The following KIAA1217 variants were observed in gnomAD, a reference collection of about 807,000 sequenced individuals.
KIAA1217 encodes the protein KIAA1217, also known as sickle tail protein homolog.
In KIAA1217, 88 loss-of-function variants were observed where a neutral mutation model predicts 163.9. The ratio of observed to expected loss-of-function variants is 0.54; its 90% CI spans 0.45 to 0.64. The LOEUF (loss-of-function observed/expected upper bound fraction) is 0.64, where lower values mean the gene tolerates loss of function less well. Ranked by LOEUF, KIAA1217 falls within the 30% of genes least tolerant of loss-of-function variation. The pLI is 0.00. For synonymous variants in KIAA1217, 903 were observed against 923.1 expected (o/e 0.98, Z 0.39); for missense variants, 2,372 against 2,475.0 (o/e 0.96, Z 0.88).
chr10:24,271,478 C>T (rs887659245), intron 2 of KIAA1217, among the ~76,000 whole-genome samples: 20 of 152,084 alleles, frequency 1.3e-4, no homozygotes, highest in Non-Finnish European at 2.4e-4. Flanking sequence ...TAGGATGGTG[C>T]GGTGGCTCAC....
chr10:23,802,202 C>G (rs1449047425), intron 1 of KIAA1217, among the ~76,000 whole-genome samples: 1 of 152,118 alleles, frequency 6.6e-6, no homozygotes, highest in Non-Finnish European at 1.5e-5. Flanking sequence ...GACTGGGGCC[C>G]TTTCATGAAA....
chr10:24,460,545 G>C (rs1199949943), intron 5 of KIAA1217, among the ~76,000 whole-genome samples: 1 of 152,054 alleles, frequency 6.6e-6, no homozygotes, highest in Non-Finnish European at 1.5e-5. Flanking sequence ...TACCCTCTGG[G>C]ACTATTCCCT....
chr10:24,543,391 C>A lies in KIAA1217; in HGVS notation c.4121C>A (p.Thr1374Asn). 6.2e-7 allele frequency: 1 copy of A among 1,614,176 alleles called. No individual in the cohort carries two copies. Among genetic ancestry groups the A allele is most frequent in the East Asian group, 2.2e-5 (1 of 44,880 alleles). ...EDGESSSSSP[T>N]EENAATDNIA... ...GGAGAATCAAGTTCAAGTTCTCCCACTGAAGAAAATGCAGCCACTGACAAT... is the reference window on the plus strand; with the variant it reads ...GGAGAATCAAGTTCAAGTTCTCCCAATGAAGAAAATGCAGCCACTGACAAT... Residue 1374 changes from threonine (T) to asparagine (N), a missense_variant, in exon 19 of 21, where the codon ACT becomes AAT. Thr to Asn is a moderately conservative substitution (Grantham distance 65). This residue lies in a region of KIAA1217 where 251 missense variants were observed against 327.3 expected (regional missense o/e 0.77). Transcript: ENST00000376454.
At chr10:24,046,901 C>T (rs181705989) in intron 2 of KIAA1217, among the ~76,000 whole-genome samples, 1 of 152,222 alleles carries the variant, frequency 6.6e-6, no homozygotes, top group African/African-American at 2.4e-5. Flanking sequence ...GCAATTCACT[C>T]ATCAGATAAG....
intron 2 of KIAA1217, among the ~76,000 whole-genome samples, chr10:24,183,863 T>C (rs764135159): frequency 6.6e-6 from 1 of 152,212 alleles, no homozygotes; most frequent in Non-Finnish European, 1.5e-5. Context: ...TTCAAATATA[T>C]TAAGACAACT....
chr10:24,313,382 G>A (rs976999982), intron 2 of KIAA1217, among the ~76,000 whole-genome samples: 1 of 152,136 alleles, frequency 6.6e-6, no homozygotes. Context: ...GTAGCCTGGC[G>A]ATTAAATGTT....
At chr10:24,166,844 G>A (rs559139346) in intron 2 of KIAA1217, among the ~76,000 whole-genome samples, 1 of 152,092 alleles carries the variant, frequency 6.6e-6, no homozygotes, top group East Asian at 1.9e-4. Context: ...TTGATTATAT[G>A]GATGTATCAG....
chr10:24,086,402 A>G (rs1313713923), intron 2 of KIAA1217, among the ~76,000 whole-genome samples: 3 of 152,204 alleles, frequency 2.0e-5, no homozygotes, highest in Non-Finnish European at 2.9e-5. Context: ...GTCAACAAAG[A>G]CATGTGAATG....
At chr10:23,920,451 G>T (rs1019894001) in intron 1 of KIAA1217, among the ~76,000 whole-genome samples, 2 of 152,168 alleles carry the variant, frequency 1.3e-5, no homozygotes, top group East Asian at 3.9e-4. Context: ...CTTTTTGGGT[G>T]GACATAGGAT....
At chr10:23,800,382 A>G (rs1011350263) in intron 1 of KIAA1217, among the ~76,000 whole-genome samples, 30 of 152,152 alleles carry the variant, frequency 2.0e-4, no homozygotes, top group Non-Finnish European at 1.3e-4. Context: ...GTTTAACACC[A>G]TGAAATGTAT....
chr10:24,543,332 G>A lies in KIAA1217; in HGVS notation c.4062G>A (p.Glu1354=). 1.2e-6 allele frequency: 2 copies of A among 1,614,130 alleles called. No homozygotes were observed. ...DFGQVVLRPK[E]ARHANVNPNE... ...GCCAAGTTGTTCTAAGACCCAAGGA[G>A]GCAAGGCATGCTAACGTGAACCCTA... The change falls in exon 19 of 21, where the codon GAG becomes GAA. Residue 1354 remains glutamate, a synonymous_variant. Transcript: ENST00000376454.
intron 1 of KIAA1217, among the ~76,000 whole-genome samples, chr10:23,985,646 AT>A (rs538288550): frequency 2.0e-5 from 3 of 152,338 alleles, no homozygotes; most frequent in South Asian, 4.1e-4. Flanking sequence ...GTATTAGTCG[AT>A]ATTCAATGCA....
chr10:24,176,595 T>C (rs1287729149), intron 2 of KIAA1217, among the ~76,000 whole-genome samples: 1 of 152,242 alleles, frequency 6.6e-6, no homozygotes, highest in East Asian at 1.9e-4. Context: ...GATTGGTGCA[T>C]TTACAATCCT....
At chr10:24,518,850 G>A (rs1295898514) in intron 10 of KIAA1217, among the ~76,000 whole-genome samples, 2 of 152,130 alleles carry the variant, frequency 1.3e-5, no homozygotes, top group African/African-American at 4.8e-5. Context: ...TTCTCCCTCT[G>A]GTCCTGAAGT....
Position 23,929,819 on chromosome 10 carries a change from C to G in KIAA1217, c.-320-77406C>G, listed in dbSNP as rs180686581. Reference sequence around the variant, plus strand: ...AATTTATTTTCCTTTGGATATATACCCAGTGATGGGGTTGCTGGGTCAGAT... The same window carrying G: ...AATTTATTTTCCTTTGGATATATACGCAGTGATGGGGTTGCTGGGTCAGAT... On this transcript the variant is annotated intron_variant, in intron 1 of 18. Transcript: ENST00000376462. Among the ~76,000 whole-genome samples the G allele has an allele frequency of 1.5e-4, 23 of 152,086 alleles. No homozygotes were observed. The East Asian group carries it at 4.4e-3, about 29-fold the overall frequency.
At chr10:23,753,721 T>C (rs138990752) in intron 1 of KIAA1217, among the ~76,000 whole-genome samples, 2 of 152,308 alleles carry the variant, frequency 1.3e-5, no homozygotes, top group African/African-American at 4.8e-5. Flanking sequence ...TGATTAAAAA[T>C]AACATTATGT....
intron 1 of KIAA1217, among the ~76,000 whole-genome samples, chr10:23,816,942 C>T (rs1284294345): frequency 2.0e-5 from 3 of 152,184 alleles, no homozygotes; most frequent in South Asian, 2.1e-4. Context: ...CTCTGCTGTT[C>T]TCAGGCTGCA....
Position 24,190,641 on chromosome 10 carries a change from G to A in KIAA1217, c.-170-28985G>A, listed in dbSNP as rs541692158. Reference sequence around the variant, plus strand: ...CCTGGGAGAACCCAGTGCTATCTAGGAGTTCCAGAATTAGGACGAGCCATG... The same window carrying A: ...CCTGGGAGAACCCAGTGCTATCTAGAAGTTCCAGAATTAGGACGAGCCATG... On this transcript the variant is annotated intron_variant, in intron 2 of 18. Coordinates refer to the KIAA1217 transcript ENST00000376462. Among the ~76,000 whole-genome samples, 121 of 152,214 alleles carry A rather than the reference G, an allele frequency of 7.9e-4. 1 individual carries two copies. The highest frequency in any genetic ancestry group is 1.5e-3 in the Non-Finnish European group (105 of 68,012).
At chr10:24,239,077 A>G in intron 2 of KIAA1217, 1 of 795,124 alleles carries the variant, frequency 1.3e-6, no homozygotes, top group Non-Finnish European at 1.5e-6. Flanking sequence ...GAGATTTATG[A>G]TGTCATGCTT....
Sources: gnomAD v4.1 joint callset for allele counts (sites outside exome capture counted in the v4.1 genomes callset) on GRCh38, gnomAD v4.1.1 for gene constraint, gnomAD v4.1.1 regional missense constraint, MANE v1.5 for transcripts, NCBI Gene and HGNC (gene_info 2026-07-23, HGNC 2026-07-21) for gene names.